Variants in PPFIA3 observed in about 807,000 individuals in gnomAD.
The protein encoded by PPFIA3 is PPFI scaffold protein A3.
In PPFIA3, 26 loss-of-function variants were observed where a neutral mutation model predicts 145.8. The ratio of observed to expected loss-of-function variants is 0.18; its 90% confidence interval spans 0.13 to 0.25. The LOEUF is 0.25. Ranked by LOEUF, PPFIA3 falls within the 10% of genes least tolerant of loss-of-function variation. PPFIA3 has a pLI of 1.00. For synonymous variants in PPFIA3, 645 were observed against 661.4 expected (o/e 0.98, Z 0.38); for missense variants, 1,008 against 1,587.8 (o/e 0.63, Z 6.21).
At chr19:49,126,351 C>T (rs1376667042) in intron 1 of PPFIA3, among the ~76,000 whole-genome samples, 2 of 151,868 alleles carry the variant, frequency 1.3e-5, no homozygotes, top group Non-Finnish European at 2.9e-5. Context: ...CGGGTTCAAG[C>T]GATTCTTGTG....
In PPFIA3 at chr19:49,150,271, TG is replaced by T; in HGVS notation, c.*52del. 2.0e-6 allele frequency: 2 copies of T among 990,014 alleles called. No homozygotes were observed. Among genetic ancestry groups the T allele is most frequent in the Non-Finnish European group, 2.9e-6 (2 of 679,344 alleles). The allele number at this position is 990,014 out of a possible 1,614,324, so 61.3% of individuals were successfully genotyped here. A position where few individuals can be genotyped will look rare whatever the true frequency, so the allele number is the denominator to read the frequency against. On this transcript the variant is annotated 3_prime_UTR_variant, in exon 30 of 30. Transcript: ENST00000334186. ...TCGGACGGAAGAATCTTCCCGAGGC[TG>T]GGCTGTTCCCTCTCCTGCCCGGACT...
At chr19:49,141,584 G>T (rs111402115) in intron 19 of PPFIA3, 71 bp downstream of exon 19, 1 of 1,047,224 alleles carries the variant, frequency 9.5e-7, no homozygotes. Flanking sequence ...GTGTGTGTGC[G>T]TGTATGTGTG....
At chr19:49,146,032 G>C (rs778664077) in intron 22 of PPFIA3, 27 bp downstream of exon 22, 13 of 1,612,788 alleles carry the variant, frequency 8.1e-6, no homozygotes, top group Middle Eastern at 1.6e-4. Flanking sequence ...GGCCGCCTTG[G>C]GGGTGGCACT....
chr19:49,139,911 G>A, intron 17 of PPFIA3, 50 bp from the exon 18 acceptor site: 1 of 1,613,540 alleles, frequency 6.2e-7, no homozygotes, highest in Non-Finnish European at 8.5e-7. Flanking sequence ...CTTGGGAGGA[G>A]AGGGGGCATC....
Position 49,133,203 on chromosome 19 carries a change from G to T in PPFIA3, c.1027-34G>T. ...GCGGTGCCGGGGCCCAAGTGACCCA[G>T]CCCGTCCCCTCCCCCTGCCTCTCCC... On this transcript the variant is annotated intron_variant, in intron 8 of 29. Transcript: ENST00000334186. This position sits in a 1 kb window ranked among gnomAD's most constrained non-coding sequence, Gnocchi z 7.2. 6.3e-7 allele frequency: 1 copy of T among 1,588,454 alleles called. No individual in the cohort carries two copies. The highest frequency in any genetic ancestry group is 8.6e-7 in the Non-Finnish European group (1 of 1,165,794).
chr19:49,146,321 AGCTTGGCTC>A, intron 23 of PPFIA3, 129 bp downstream of exon 23: 2 of 1,228,540 alleles, frequency 1.6e-6, no homozygotes. Context: ...CGCTGCGCCA[AGCTTGGCTC>A]TGGACTGTTC....
At chr19:49,145,286 A>T (rs549956672) in intron 21 of PPFIA3, among the ~76,000 whole-genome samples, 2 of 152,166 alleles carry the variant, frequency 1.3e-5, no homozygotes, top group East Asian at 3.9e-4. Flanking sequence ...TCCAAAAGTG[A>T]TGTGCCCGCC....
rs769466419 is a variant in PPFIA3, at chr19:49,136,938, C to T, written c.1853+27C>T. 4.1e-6 allele frequency: 6 copies of T among 1,468,136 alleles called. No individual in the cohort carries two copies. In the South Asian group the frequency reaches 8.2e-5, roughly 20 times the overall value. 90.9% of individuals were successfully genotyped at this position (1,468,136 alleles called of 1,614,324 possible). A position where few individuals can be genotyped will look rare whatever the true frequency, so the allele number is the denominator to read the frequency against. Reference sequence around the variant, plus strand: ...TGAGCCCTGGCCCCGCCCCGGCCTGCCCTGCCCTGCCGGAGCTGACTCCAC... The same window carrying T: ...TGAGCCCTGGCCCCGCCCCGGCCTGTCCTGCCCTGCCGGAGCTGACTCCAC... On this transcript the variant is annotated intron_variant, in intron 15 of 29. Transcript: ENST00000334186.
At chr19:49,124,794 G>C (rs182117740) in intron 1 of PPFIA3, among the ~76,000 whole-genome samples, 63 of 152,180 alleles carry the variant, frequency 4.1e-4, no homozygotes, top group Non-Finnish European at 8.8e-4. Context: ...GGCTGGGCGC[G>C]GTGGCTCATG....
chr19:49,126,090 A>G (rs2040994763), intron 1 of PPFIA3, among the ~76,000 whole-genome samples: 1 of 151,934 alleles, frequency 6.6e-6, no homozygotes, highest in African/African-American at 2.4e-5. Flanking sequence ...AGCTGGGACT[A>G]CAGGTGCGTG....
intron 23 of PPFIA3, 110 bp downstream of exon 23, chr19:49,146,302 A>G (rs2122645309): frequency 7.5e-7 from 1 of 1,341,564 alleles, no homozygotes; most frequent in Non-Finnish European, 1.0e-6. Context: ...CATCATCCCC[A>G]TGGGGGGGCG....
chr19:49,129,362 C>T lies in PPFIA3; in HGVS notation c.508-18C>T. On this transcript the variant is annotated intron_variant, in intron 4 of 29. Coordinates refer to ENST00000334186, the MANE Select transcript of PPFIA3 (RefSeq NM_003660.4). Reference sequence around the variant, plus strand: ...GGATCTTGTCTCCAGCTGACTGTTGCCCTGCCCCGATCCCCAGGTCCGGGA... The same window carrying T: ...GGATCTTGTCTCCAGCTGACTGTTGTCCTGCCCCGATCCCCAGGTCCGGGA... The T allele has an allele frequency of 6.5e-7, 1 of 1,548,894 alleles. No individual in the cohort carries two copies. Among genetic ancestry groups the T allele is most frequent in the Non-Finnish European group, 8.7e-7 (1 of 1,146,680 alleles).
rs147872140 is a variant in PPFIA3, at chr19:49,141,601, AGT to A, written c.2462+102_2462+103del. 1.1e-3 allele frequency: 915 copies of A among 819,132 alleles called. 1 individual carries two copies. Among genetic ancestry groups the A allele is most frequent in the East Asian group, 1.7e-3 (59 of 35,078 alleles). The allele number at this position is 819,132 out of a possible 1,614,324, so 50.7% of individuals were successfully genotyped here. ...GTGTGTGCGTGTATGTGTGTGTATGAGTGTGTGTGTGTGTGAGAGGGTGTGTG... is the reference window on the plus strand; with the variant it reads ...GTGTGTGCGTGTATGTGTGTGTATGAGTGTGTGTGTGTGAGAGGGTGTGTG... On this transcript the variant is annotated intron_variant, in intron 19 of 29. Transcript: ENST00000334186.
intron 14 of PPFIA3, among the ~76,000 whole-genome samples, chr19:49,136,402 G>A (rs2041137448): frequency 6.6e-6 from 1 of 152,166 alleles, no homozygotes; most frequent in South Asian, 2.1e-4. Flanking sequence ...TTCGACAGCA[G>A]CCTTGCCAAA....
At position 49,146,393 on chromosome 19, in the gene PPFIA3, AC is replaced by A. The variant is rs1431215089; in HGVS notation, c.2835+202del. 3 of 647,112 alleles carry A rather than the reference AC, an allele frequency of 4.6e-6. No homozygotes were observed. In the African/African-American group the frequency reaches 5.5e-5, roughly 12 times the overall value. 40.1% of individuals were successfully genotyped at this position (647,112 alleles called of 1,614,324 possible). On this transcript the variant is annotated intron_variant, in intron 23 of 29. Transcript: ENST00000334186. ...GAGGGGATGCGATGTGGAAGCCCAG[AC>A]TGTTGCATAGTCAGCCTTATGCATG... is the stretch of plus-strand genomic sequence containing the variant.
At chr19:49,146,370 G>A (rs941872106) in intron 23 of PPFIA3, 178 bp downstream of exon 23, 4 of 749,168 alleles carry the variant, frequency 5.3e-6, no homozygotes, top group South Asian at 3.7e-5. Flanking sequence ...GGAGGGTAGA[G>A]GGGATGCGAT....
intron 23 of PPFIA3, among the ~76,000 whole-genome samples, chr19:49,147,813 A>C (rs914253072): frequency 6.6e-6 from 1 of 152,202 alleles, no homozygotes; most frequent in African/African-American, 2.4e-5. Context: ...GTCTGGAGTA[A>C]GGTCTGAGAT....
chr19:49,137,012 C>A (rs1408605798), intron 15 of PPFIA3, 101 bp downstream of exon 15: 2 of 1,139,098 alleles, frequency 1.8e-6, no homozygotes, highest in South Asian at 1.8e-5. Flanking sequence ...TCTCCTCTTA[C>A]ACCATCCACA....
In PPFIA3 at chr19:49,148,163, C is replaced by A. The variant is rs1171160961; in HGVS notation, c.2916C>A (p.Ser972Arg). The change falls in exon 24 of 30, where the codon AGC becomes AGA. Residue 972 changes from serine (S) to arginine (R), a missense_variant. Physicochemically the swap from Ser to Arg is moderately radical, Grantham distance 110 (BLOSUM62 -1). Transcript: ENST00000334186. ...GCCTGGGGCTGCCCCAATACCGCAG[C>A]TACTTCATGGAGTCGCTGGTGGACG... ...LPSLGLPQYRSYFMESLVDAR... is the reference protein window; with the variant it reads ...LPSLGLPQYRRYFMESLVDAR... The A allele has an allele frequency of 6.2e-7, 1 of 1,614,238 alleles. No individual in the cohort carries two copies. Among genetic ancestry groups the A allele is most frequent in the Non-Finnish European group, 8.5e-7 (1 of 1,180,038 alleles).
Sources: gnomAD v4.1 joint callset for allele counts (sites outside exome capture counted in the v4.1 genomes callset) on GRCh38, gnomAD v4.1.1 for gene constraint, Gnocchi (gnomAD v3.1) non-coding constraint, MANE v1.5 for transcripts, NCBI Gene and HGNC (gene_info 2026-07-23, HGNC 2026-07-21) for gene names.